RSL1D1: variants seen among roughly 807,000 people sequenced by gnomAD.
The protein encoded by RSL1D1 is ribosomal L1 domain containing 1, also known as ribosomal L1 domain-containing protein 1.
In RSL1D1, 34 loss-of-function variants were observed where a neutral mutation model predicts 44.6. That is an observed-to-expected ratio of 0.76 (90% confidence interval 0.58 to 1.02). The LOEUF is 1.02. Among genes scored for constraint, RSL1D1 ranks in the 50% least tolerant of loss-of-function variants. The pLI is 0.00. For missense variants in RSL1D1, 767 were observed against 568.1 expected (o/e 1.35, Z -3.56); for synonymous variants, 271 against 207.4 (o/e 1.31, Z -2.63).
Position 11,850,317 on chromosome 16 carries a change from TACC to T in RSL1D1, c.204_206del (p.Val69del). The T allele has an allele frequency of 6.3e-7, 1 of 1,592,528 alleles. No homozygotes were observed. On this transcript the variant is annotated inframe_deletion, in exon 2 of 9. Coordinates refer to ENST00000571133, the MANE Select transcript of RSL1D1 (RefSeq NM_015659.3). The stretch of plus-strand genomic sequence containing the variant: ...GTTCTTTACTTGGAATTTTCCATAA[TACC>T]ACCATTAAAAATAAACTTTCATTCT...
intron 1 of RSL1D1, chr16:11,851,164 C>G (rs2053834672): frequency 1.8e-6 from 1 of 564,210 alleles, no homozygotes; most frequent in Non-Finnish European, 3.2e-6. Context: ...GTCGCCAGGT[C>G]TATCTCATCT....
At chr16:11,847,885 T>A in intron 2 of RSL1D1, 79 bp from the exon 3 acceptor site, 1 of 1,386,662 alleles carries the variant, frequency 7.2e-7, no homozygotes. Context: ...GAATACGCGA[T>A]AAACTTAGTG....
chr16:11,844,606 C>CCA (rs2053785559), intron 5 of RSL1D1, among the ~76,000 whole-genome samples: 1 of 152,198 alleles, frequency 6.6e-6, no homozygotes, highest in African/African-American at 2.4e-5. Flanking sequence ...CCCACCAGTA[C>CCA]CCTGCTCTGC....
At chr16:11,845,081 G>A (rs1451138089) in intron 5 of RSL1D1, among the ~76,000 whole-genome samples, 2 of 152,170 alleles carry the variant, frequency 1.3e-5, no homozygotes, top group Non-Finnish European at 2.9e-5. Flanking sequence ...AACAGGATAA[G>A]TGCTGAATTC....
At chr16:11,847,620 T>C in intron 3 of RSL1D1, 48 bp downstream of exon 3, 1 of 1,494,296 alleles carries the variant, frequency 6.7e-7, no homozygotes, top group Non-Finnish European at 9.1e-7. Flanking sequence ...CCATTTCGCC[T>C]GAATTAAATC....
rs746918445 is a variant in RSL1D1 at position 11,847,775 on chromosome 16, C to T, written c.277G>A (p.Glu93Lys). Residue 93 changes from glutamate to lysine, a missense_variant, in exon 3 of 9, where the codon GAA (glutamate) becomes AAA (lysine). Transcript: ENST00000571133. ...TLPHSIRSDS[E>K]DICLFTKDEP... Reference sequence around the variant, plus strand: ...TCCTTCGTAAATAAACAGATATCTTCTGAATCTGATCGAATACTATGAGGC... The same window carrying T: ...TCCTTCGTAAATAAACAGATATCTTTTGAATCTGATCGAATACTATGAGGC... 30 of 1,613,558 alleles carry T rather than the reference C, an allele frequency of 1.9e-5. No individual in the cohort carries two copies. Among genetic ancestry groups the T allele is most frequent in the Non-Finnish European group, 2.5e-5 (30 of 1,179,750 alleles).
intron 5 of RSL1D1, among the ~76,000 whole-genome samples, chr16:11,843,442 GT>G (rs1256001026): frequency 1.3e-5 from 2 of 152,066 alleles, no homozygotes; most frequent in Non-Finnish European, 2.9e-5. Context: ...GCCAGAGGAG[GT>G]TCTACCTTTA....
chr16:11,846,093 A>G (rs1403833832), intron 5 of RSL1D1, among the ~76,000 whole-genome samples: 1 of 151,704 alleles, frequency 6.6e-6, no homozygotes, highest in African/African-American at 2.4e-5. Context: ...GGAGCCATTA[A>G]CAAAATCTTT....
intron 1 of RSL1D1, 153 bp downstream of exon 1, chr16:11,851,255 A>G: frequency 1.4e-6 from 1 of 734,564 alleles, no homozygotes; most frequent in Non-Finnish European, 2.4e-6. Context: ...CCACGTGTGT[A>G]AAGGGGAGAG....
chr16:11,842,455 A>C (rs1010862236), intron 5 of RSL1D1, among the ~76,000 whole-genome samples: 5 of 152,134 alleles, frequency 3.3e-5, no homozygotes, highest in Admixed American at 2.0e-4. Context: ...CAGTGGCACA[A>C]TCAACGTACT....
Position 11,837,868 on chromosome 16 carries a change from G to C in RSL1D1, c.1392C>G (p.Thr464=). The change falls in exon 9 of 9, where the codon ACC becomes ACG. Residue 464 remains threonine (T), a synonymous_variant. Coordinates refer to ENST00000571133, the MANE Select transcript of RSL1D1 (RefSeq NM_015659.3). ...CTTTTCTCACAGATTTACTAGGAGT[G>C]GTGAAAAACTTGGCCTCTGGCTTTT... The part of the protein sequence containing the change: ...TPKKPEAKFF[T]TPSKSVRKAS... 1 of 1,614,024 alleles carries C rather than the reference G, an allele frequency of 6.2e-7. No individual in the cohort carries two copies. The highest frequency in any genetic ancestry group is 8.5e-7 in the Non-Finnish European group (1 of 1,180,002).
At chr16:11,843,871 C>CAAAAAAAAAAAAA (rs35833714) in intron 5 of RSL1D1, among the ~76,000 whole-genome samples, 2 of 53,558 alleles carry the variant, frequency 3.7e-5, no homozygotes, top group African/African-American at 1.3e-4. Context: ...AACTCTGTCT[C>CAAAAAAAAAAAAA]AAAAAAAAAA....
intron 2 of RSL1D1, among the ~76,000 whole-genome samples, chr16:11,848,520 CTCTT>C (rs777859171): frequency 6.6e-6 from 1 of 152,132 alleles, no homozygotes; most frequent in Non-Finnish European, 1.5e-5. Context: ...AACATAATAA[CTCTT>C]TCTTCTTTTC....
intron 3 of RSL1D1, 103 bp from the exon 4 acceptor site, chr16:11,846,946 G>T: frequency 9.9e-7 from 1 of 1,007,172 alleles, no homozygotes; most frequent in Non-Finnish European, 1.5e-6. Context: ...ATGTCCTAGA[G>T]CCATGCCTCT....
In RSL1D1 at chr16:11,847,856, T is replaced by C. The variant is rs753832243; in HGVS notation, c.246-50A>G. 3.3e-5 allele frequency: 52 copies of C among 1,554,836 alleles called. No individual in the cohort carries two copies. The Admixed American group carries it at 9.0e-4, about 27-fold the overall frequency. The stretch of plus-strand genomic sequence containing the variant: ...GAGGAAAGCATTATTACACACATTA[T>C]GCATGTTTGTATCACACAGAATACG... On this transcript the variant is annotated intron_variant, in intron 2 of 8. Transcript: ENST00000571133.
chr16:11,844,774 T>C (rs895871433), intron 5 of RSL1D1, among the ~76,000 whole-genome samples: 1 of 152,230 alleles, frequency 6.6e-6, no homozygotes, highest in South Asian at 2.1e-4. Flanking sequence ...TACTGGCAGC[T>C]AGCCATCTCC....
At chr16:11,840,122 T>C (rs2053755171) in intron 7 of RSL1D1, 137 bp from the exon 8 acceptor site, 1 of 1,351,012 alleles carries the variant, frequency 7.4e-7, no homozygotes, top group East Asian at 2.3e-5. Flanking sequence ...ACAAACTCCC[T>C]AACCAGCACT....
chr16:11,844,595 G>A (rs991630463), intron 5 of RSL1D1, among the ~76,000 whole-genome samples: 2 of 152,170 alleles, frequency 1.3e-5, no homozygotes, highest in Non-Finnish European at 2.9e-5. Context: ...CACCTGTCCT[G>A]CCCACCAGTA....
intron 7 of RSL1D1, among the ~76,000 whole-genome samples, chr16:11,840,320 C>G (rs767478555): frequency 1.1e-4 from 17 of 151,940 alleles, no homozygotes; most frequent in Non-Finnish European, 2.5e-4. Flanking sequence ...AATCACAGCA[C>G]TCAGGGAGGC....
Sources: gnomAD v4.1 joint callset for allele counts (sites outside exome capture counted in the v4.1 genomes callset) on GRCh38, gnomAD v4.1.1 for gene constraint, MANE v1.5 for transcripts, NCBI Gene and HGNC (gene_info 2026-07-23, HGNC 2026-07-21) for gene names.